IL22RA2: variants seen among roughly 807,000 people sequenced by gnomAD.
IL22RA2 encodes interleukin 22 receptor subunit alpha 2.
In IL22RA2, 39 loss-of-function variants were observed where a neutral mutation model predicts 30.7. That is an observed-to-expected ratio of 1.27 (90% CI 0.98 to 1.66). The LOEUF (loss-of-function observed/expected upper bound fraction) is 1.66, where lower values mean the gene tolerates loss of function less well. Ranked by LOEUF, IL22RA2 falls within the 40% of genes most tolerant of loss-of-function variation. The pLI is 0.00. For missense variants in IL22RA2, 315 were observed against 312.7 expected (o/e 1.01, Z -0.05); for synonymous variants, 103 against 105.0 (o/e 0.98, Z 0.11).
chr6:137,151,967 A>C lies in IL22RA2; in HGVS notation c.472+2974T>G, dbSNP rs1222031406. Reference sequence around the variant, plus strand: ...AAAATAGTGCAGATGCTTTGAAAGTAGTCTGGCATTTCCTCAAATGATTAA... The same window carrying C: ...AAAATAGTGCAGATGCTTTGAAAGTCGTCTGGCATTTCCTCAAATGATTAA... On this transcript the variant is annotated intron_variant, in intron 5 of 6. Transcript: ENST00000296980. Among the ~76,000 whole-genome samples, 3 of 152,244 alleles carry C rather than the reference A, an allele frequency of 2.0e-5. No individual in the cohort carries two copies. The East Asian group carries it at 5.8e-4, about 29-fold the overall frequency.
intron 5 of IL22RA2, among the ~76,000 whole-genome samples, chr6:137,149,636 G>T (rs542681153): frequency 2.0e-5 from 3 of 152,160 alleles, no homozygotes; most frequent in Non-Finnish European, 4.4e-5. Context: ...TCACTTATCT[G>T]CATCCAACCT....
chr6:137,161,859 A>G, intron 1 of IL22RA2, 45 bp from the exon 2 acceptor site: 1 of 697,806 alleles, frequency 1.4e-6, no homozygotes, highest in Non-Finnish European at 2.5e-6. Flanking sequence ...TTTAAGGCAG[A>G]TGGTTCCTTG....
chr6:137,158,479 G>A lies in IL22RA2; in HGVS notation c.65C>T (p.Thr22Ile), dbSNP rs1778456135. Residue 22 changes from threonine to isoleucine, a missense_variant, in exon 3 of 7, where the codon ACT becomes ATT. Thr to Ile is a moderately conservative substitution (Grantham distance 89). Transcript: ENST00000296980. The stretch of plus-strand genomic sequence containing the variant: ...CTTCAGAGACTCATGCGTTGACTGA[G>A]TTCCTAAGATAATAAGAGAAGGAAG... ...ISFFLTGVAG[T>I]QSTHESLKPQ... 1.2e-6 allele frequency: 2 copies of A among 1,614,054 alleles called. No homozygotes were observed. Among genetic ancestry groups the A allele is most frequent in the Non-Finnish European group, 1.7e-6 (2 of 1,179,974 alleles).
rs1370760982 is a variant in IL22RA2 at position 137,147,783 on chromosome 6, G to C, written c.581C>G (p.Ser194Cys). The C allele has an allele frequency of 5.6e-6, 9 of 1,607,552 alleles. No individual in the cohort carries two copies. The highest frequency in any genetic ancestry group is 7.7e-6 in the Non-Finnish European group (9 of 1,174,354). Residue 194 changes from serine to cysteine, a missense_variant, in exon 6 of 7, where the codon TCT becomes TGT. By Grantham distance (112) the Ser-to-Cys change is moderately radical. Coordinates refer to ENST00000296980, the MANE Select transcript of IL22RA2 (RefSeq NM_052962.3). ...PYRYQKEKNV[S>C]IEDYYELLYR... ...TAGTAGTTCATAGTAATCTTCTATA[G>C]ATACATTTTTTTCCTTTTGGTATCT...
At chr6:137,149,281 CT>C (rs1778241129) in intron 5 of IL22RA2, among the ~76,000 whole-genome samples, 1 of 152,166 alleles carries the variant, frequency 6.6e-6, no homozygotes, top group African/African-American at 2.4e-5. Context: ...CTAATAAAGA[CT>C]TTACTTTGAG....
intron 6 of IL22RA2, among the ~76,000 whole-genome samples, chr6:137,146,142 G>A (rs1300883918): frequency 6.6e-6 from 1 of 151,998 alleles, no homozygotes; most frequent in African/African-American, 2.4e-5. Flanking sequence ...AGAGATTCTC[G>A]TGCCTCAGCC....
intron 5 of IL22RA2, among the ~76,000 whole-genome samples, chr6:137,152,128 G>T (rs555499601): frequency 6.6e-6 from 1 of 152,128 alleles, no homozygotes; most frequent in African/African-American, 2.4e-5. Flanking sequence ...TGGAAGGATT[G>T]CTGGAGCCCA....
intron 1 of IL22RA2, among the ~76,000 whole-genome samples, chr6:137,164,445 A>G (rs2114389005): frequency 6.6e-6 from 1 of 152,360 alleles, no homozygotes; most frequent in South Asian, 2.1e-4. Flanking sequence ...AAAACCAGGA[A>G]CAATAGAAAG....
rs775208208 is a variant in IL22RA2, at chr6:137,161,755, C to T, written c.-6G>A. ...AAGCAATGTTTAGGCATCATGGTTG[C>T]AAGTGTGACTGTTCAGGCAACCAGT... On this transcript the variant is annotated 5_prime_UTR_variant, in exon 2 of 7. Transcript: ENST00000296980. 9 of 1,612,542 alleles carry T rather than the reference C, an allele frequency of 5.6e-6. No homozygotes were observed. The South Asian group carries it at 9.9e-5, about 18-fold the overall frequency.
At position 137,161,712 on chromosome 6, in the gene IL22RA2, C is replaced by G; in HGVS notation, c.38G>C (p.Ser13Thr). Residue 13 changes from serine (S) to threonine (T), a missense_variant, in exon 2 of 7, where the codon AGT (serine) becomes ACT (threonine). By Grantham distance (58) the Ser-to-Thr change is moderately conservative (BLOSUM62 1). Transcript: ENST00000296980. ...ACCTGCTACACCAGTAAGGAAGAAA[C>G]TGATGAGGAAGCCTAGAAAGCAATG... ...PKHCFLGFLI[S>T]FFLTGVAGTQ... The G allele has an allele frequency of 3.1e-6, 5 of 1,613,766 alleles. No individual in the cohort carries two copies. Among genetic ancestry groups the G allele is most frequent in the Non-Finnish European group, 4.2e-6 (5 of 1,179,798 alleles).
chr6:137,169,147 G>A (rs1011523642), intron 1 of IL22RA2, among the ~76,000 whole-genome samples: 1 of 152,226 alleles, frequency 6.6e-6, no homozygotes, highest in Non-Finnish European at 1.5e-5. Context: ...CCCATCATTG[G>A]AAAATACTGT....
intron 4 of IL22RA2, among the ~76,000 whole-genome samples, chr6:137,155,689 G>C (rs917585867): frequency 6.6e-6 from 1 of 152,034 alleles, no homozygotes; most frequent in Non-Finnish European, 1.5e-5. Flanking sequence ...CTGCACTGGG[G>C]ATCAGGTTTC....
At chr6:137,150,575 T>C (rs1778271191) in intron 5 of IL22RA2, among the ~76,000 whole-genome samples, 1 of 151,158 alleles carries the variant, frequency 6.6e-6, no homozygotes, top group African/African-American at 2.4e-5. Flanking sequence ...TAAATAGAAT[T>C]GAGCTAAAGC....
At chr6:137,164,632 G>A (rs1402354289) in intron 1 of IL22RA2, among the ~76,000 whole-genome samples, 1 of 152,182 alleles carries the variant, frequency 6.6e-6, no homozygotes, top group Non-Finnish European at 1.5e-5. Flanking sequence ...TCAGAAGGAA[G>A]CACCCCTCAG....
chr6:137,158,486 A>C lies in IL22RA2; in HGVS notation c.62-4T>G, dbSNP rs1418093503. 4.3e-6 allele frequency: 7 copies of C among 1,613,892 alleles called. No homozygotes were observed. Among genetic ancestry groups the C allele is most frequent in the Non-Finnish European group, 5.9e-6 (7 of 1,179,888 alleles). On this transcript the variant is annotated splice_polypyrimidine_tract_variant and splice_region_variant and intron_variant, in intron 2 of 6. Transcript: ENST00000296980. ...GACTCATGCGTTGACTGAGTTCCTA[A>C]GATAATAAGAGAAGGAAGAACATTG... is the stretch of plus-strand genomic sequence containing the variant.
At chr6:137,152,003 A>G (rs1211059232) in intron 5 of IL22RA2, among the ~76,000 whole-genome samples, 1 of 152,240 alleles carries the variant, frequency 6.6e-6, no homozygotes, top group African/African-American at 2.4e-5. Flanking sequence ...ATATAGAGTT[A>G]CTATGAGACC....
At chr6:137,150,997 A>G (rs1778278235) in intron 5 of IL22RA2, among the ~76,000 whole-genome samples, 1 of 152,188 alleles carries the variant, frequency 6.6e-6, no homozygotes, top group African/African-American at 2.4e-5. Flanking sequence ...AAGTACTAAG[A>G]TACAGAATGT....
intron 1 of IL22RA2, among the ~76,000 whole-genome samples, chr6:137,166,228 G>A (rs542969070): frequency 3.9e-5 from 6 of 152,346 alleles, no homozygotes; most frequent in South Asian, 2.1e-4. Flanking sequence ...TCTGCCGGCC[G>A]GAACTTTAGC....
intron 1 of IL22RA2, among the ~76,000 whole-genome samples, chr6:137,173,124 CA>C (rs1290118870): frequency 6.6e-6 from 1 of 152,226 alleles, no homozygotes; most frequent in Non-Finnish European, 1.5e-5. Flanking sequence ...GTAATCTCAG[CA>C]CTTTGGAAGG....
Sources: gnomAD v4.1 joint callset for allele counts (sites outside exome capture counted in the v4.1 genomes callset) on GRCh38, gnomAD v4.1.1 for gene constraint, MANE v1.5 for transcripts, NCBI Gene and HGNC (gene_info 2026-07-23, HGNC 2026-07-21) for gene names.